Variants in CENPE observed in about 807,000 individuals in gnomAD.
CENPE encodes centromere-associated protein E.
A neutral mutation model predicts 336.1 loss-of-function variants in CENPE; 145 were observed. The observed-to-expected ratio is 0.43, with a 90% CI of 0.38 to 0.50. CENPE has a LOEUF of 0.50. CENPE is among the 20% of genes least tolerant of loss of function. The probability of loss-of-function intolerance (pLI) is 0.00; values close to 1 mark genes in which losing one functional copy is unlikely to be tolerated. For missense variants in CENPE, 2,719 were observed against 3,023.3 expected (o/e 0.90, Z 2.36); for synonymous variants, 1,013 against 984.8 (o/e 1.03, Z -0.54).
Position 103,133,871 on chromosome 4 carries a change from T to C in CENPE, c.6544A>G (p.Lys2182Glu), listed in dbSNP as rs1266837580. The C allele has an allele frequency of 6.3e-7, 1 of 1,586,576 alleles. No individual in the cohort carries two copies. The highest frequency in any genetic ancestry group is 2.2e-5 in the East Asian group (1 of 44,556). The part of the protein sequence containing the change: ...KLKYVLSYVT[K>E]IKEEQHESIN... ...GATTCATGTTGTTCTTCTTTTATTT[T>C]TGTAACATAGCTTAACACATACTTG... The change falls in exon 41 of 49, where the codon AAA becomes GAA. Residue 2182 changes from lysine to glutamate, a missense_variant. By Grantham distance (56) the Lys-to-Glu change is moderately conservative. Around this residue, in one of 5 missense-constraint regions of CENPE, gnomAD observed 2,437 missense variants for 2,513.3 expected, o/e 0.97. Coordinates refer to ENST00000265148, the MANE Select transcript of CENPE (RefSeq NM_001813.3).
intron 39 of CENPE, 108 bp from the exon 40 acceptor site, chr4:103,136,467 A>G (rs941368794): frequency 7.0e-6 from 5 of 716,810 alleles, no homozygotes; most frequent in Non-Finnish European, 6.5e-6. Context: ...CATTTTCTGT[A>G]GGAGAGAAAT....
chr4:103,195,660 G>T (rs1254559672), intron 4 of CENPE, among the ~76,000 whole-genome samples: 2 of 151,948 alleles, frequency 1.3e-5, no homozygotes, highest in Non-Finnish European at 2.9e-5. Context: ...ACATTTTCTT[G>T]TTCCTTAATG....
chr4:103,195,989 C>A lies in CENPE; in HGVS notation c.288G>T (p.Met96Ile). 1 of 1,613,832 alleles carries A rather than the reference C, an allele frequency of 6.2e-7. No homozygotes were observed. The highest frequency in any genetic ancestry group is 1.3e-5 in the African/African-American group (1 of 75,014). Residue 96 changes from methionine to isoleucine, a missense_variant, in exon 4 of 49, where the codon ATG becomes ATT. This residue lies in a region of CENPE where 106 missense variants were observed against 189.3 expected (regional missense o/e 0.56). Coordinates refer to ENST00000265148, the MANE Select transcript of CENPE (RefSeq NM_001813.3). ...GQTASGKTYT[M>I]MGSEDHLGVI... The stretch of plus-strand genomic sequence containing the variant: ...CTCCCAAATGATCTTCTGAACCCAT[C>A]ATGGTATATGTTTTTCCTGAAGCAG...
intron 8 of CENPE, among the ~76,000 whole-genome samples, chr4:103,191,165 G>C (rs1197120798): frequency 3.9e-5 from 6 of 152,220 alleles, no homozygotes; most frequent in Non-Finnish European, 8.8e-5. Context: ...TGGAGAGGAT[G>C]TGGAGAAATA....
intron 16 of CENPE, among the ~76,000 whole-genome samples, chr4:103,167,730 G>A (rs1755044717): frequency 6.6e-6 from 1 of 152,202 alleles, no homozygotes; most frequent in Admixed American, 6.5e-5. Context: ...CACCCAGGTG[G>A]GAGTCCTGCC....
chr4:103,180,298 C>A lies in CENPE; in HGVS notation c.1242+13G>T. ...CTGTACATCAAGTTTAAGCTGTCATCTTTTAATTTTACCTTTAATTCCTGT... is the reference window on the plus strand; with the variant it reads ...CTGTACATCAAGTTTAAGCTGTCATATTTTAATTTTACCTTTAATTCCTGT... On this transcript the variant is annotated intron_variant, in intron 13 of 48. Coordinates refer to ENST00000265148, the MANE Select transcript of CENPE (RefSeq NM_001813.3). 2 of 1,605,960 alleles carry A rather than the reference C, an allele frequency of 1.2e-6. No homozygotes were observed. Among genetic ancestry groups the A allele is most frequent in the East Asian group, 4.5e-5 (2 of 44,732 alleles).
chr4:103,111,703 T>A (rs1260169662), intron 46 of CENPE, among the ~76,000 whole-genome samples: 2 of 152,096 alleles, frequency 1.3e-5, no homozygotes, highest in African/African-American at 4.8e-5. Flanking sequence ...AAATCAAGAA[T>A]AAATATCCTC....
intron 4 of CENPE, 102 bp from the exon 5 acceptor site, chr4:103,195,335 A>C: frequency 1.1e-6 from 1 of 880,068 alleles, no homozygotes; most frequent in Non-Finnish European, 1.7e-6. Flanking sequence ...TATGTAAAAC[A>C]AACTAAGAAA....
chr4:103,114,512 C>A lies in CENPE; in HGVS notation c.7483G>T (p.Val2495Phe), dbSNP rs1035889861. 1.5e-5 allele frequency: 24 copies of A among 1,611,648 alleles called. No homozygotes were observed. The highest frequency in any genetic ancestry group is 2.7e-5 in the African/African-American group (2 of 74,912). ...TKATVEYQKE[V>F]IRLLRENLRR... ...AGATTTTCTCTCAATAGCCTTATAACTTCCTTTTGATATTCTACAGTGGCT... is the reference window on the plus strand; with the variant it reads ...AGATTTTCTCTCAATAGCCTTATAAATTCCTTTTGATATTCTACAGTGGCT... Residue 2495 changes from valine (V) to phenylalanine (F), a missense_variant, in exon 46 of 49, where the codon GTT (valine) becomes TTT (phenylalanine). Val to Phe is a conservative substitution (Grantham distance 50). Around this residue, in one of 5 missense-constraint regions of CENPE, gnomAD observed 2,437 missense variants for 2,513.3 expected, o/e 0.97. Coordinates refer to ENST00000265148, the MANE Select transcript of CENPE (RefSeq NM_001813.3).
Position 103,161,392 on chromosome 4 carries a change from A to G in CENPE, c.1908T>C (p.Asp636=). 6.2e-7 allele frequency: 1 copy of G among 1,612,896 alleles called. No homozygotes were observed. The highest frequency in any genetic ancestry group is 8.5e-7 in the Non-Finnish European group (1 of 1,179,396). Residue 636 remains aspartate (D), a synonymous_variant, in exon 19 of 49, where the codon GAT becomes GAC. Coordinates refer to ENST00000265148, the MANE Select transcript of CENPE (RefSeq NM_001813.3). The part of the protein sequence containing the change: ...TLFDAETVAL[D]AKRESAFLRS... ...TAAGAAAGGCTGATTCTCTCTTGGC[A>G]TCAAGGGCTACAGTTTCAGCATCAA...
chr4:103,167,756 T>C (rs1755046298), intron 16 of CENPE, among the ~76,000 whole-genome samples: 4 of 152,158 alleles, frequency 2.6e-5, no homozygotes, highest in Admixed American at 2.6e-4. Context: ...TGCTCCCAGG[T>C]TCATATGCAG....
chr4:103,137,009 T>C (rs1031089187), intron 39 of CENPE, among the ~76,000 whole-genome samples: 1 of 152,192 alleles, frequency 6.6e-6, no homozygotes, highest in Non-Finnish European at 1.5e-5. Flanking sequence ...TATACCTATA[T>C]ACCTATGTAA....
At chr4:103,115,883 A>G (rs1262543163) in intron 45 of CENPE, among the ~76,000 whole-genome samples, 2 of 152,000 alleles carry the variant, frequency 1.3e-5, no homozygotes, top group East Asian at 3.9e-4. Context: ...GGCGCCTGCC[A>G]CCATGCCGGC....
At chr4:103,167,598 C>G (rs1304342708) in intron 16 of CENPE, among the ~76,000 whole-genome samples, 1 of 152,130 alleles carries the variant, frequency 6.6e-6, no homozygotes, top group African/African-American at 2.4e-5. Context: ...CCCAAAACAA[C>G]AAGAATTCTG....
chr4:103,196,099 A>G (rs1045537977), intron 3 of CENPE, 61 bp from the exon 4 acceptor site: 2 of 1,578,962 alleles, frequency 1.3e-6, no homozygotes, highest in Non-Finnish European at 1.7e-6. Flanking sequence ...GGGTAAAACT[A>G]TGCATGCTTG....
chr4:103,174,599 C>T (rs1755694688), intron 16 of CENPE, 137 bp downstream of exon 16: 1 of 536,536 alleles, frequency 1.9e-6, no homozygotes, highest in Non-Finnish European at 3.1e-6. Context: ...CATCATACAT[C>T]ATGTTGTATA....
rs1754803427 is a variant in CENPE at position 103,165,243 on chromosome 4, TC to T, written c.1648-1691del. Among the ~76,000 whole-genome samples the T allele has an allele frequency of 3.3e-5, 5 of 152,298 alleles. No individual in the cohort carries two copies. In the South Asian group the frequency reaches 1.0e-3, roughly 32 times the overall value. On this transcript the variant is annotated intron_variant, in intron 16 of 48. Coordinates refer to ENST00000265148, the MANE Select transcript of CENPE (RefSeq NM_001813.3). ...AAATTGCAGATTTAAATGGTAATTG[TC>T]ATTAGGTGAAATGAAATATTTAACT... is the stretch of plus-strand genomic sequence containing the variant.
chr4:103,111,424 C>T (rs1749414278), intron 46 of CENPE, among the ~76,000 whole-genome samples: 1 of 152,174 alleles, frequency 6.6e-6, no homozygotes, highest in Non-Finnish European at 1.5e-5. Context: ...TCATTCAGTG[C>T]ATTATATGTA....
intron 16 of CENPE, among the ~76,000 whole-genome samples, chr4:103,172,477 C>T (rs1182759939): frequency 6.6e-6 from 1 of 152,052 alleles, no homozygotes; most frequent in African/African-American, 2.4e-5. Context: ...ATACAACAAA[C>T]CCACTGCTAA....
Sources: allele counts gnomAD v4.1 joint callset (sites outside exome capture counted in the v4.1 genomes callset), GRCh38; gene constraint gnomAD v4.1.1; regional missense constraint gnomAD v4.1.1; transcripts MANE v1.5; gene names NCBI Gene and HGNC (gene_info 2026-07-23, HGNC 2026-07-21).